The following DPYSL5 variants were observed in gnomAD, a reference collection of about 807,000 sequenced individuals.
DPYSL5 encodes the protein dihydropyrimidinase like 5.
DPYSL5 carries 9 observed loss-of-function variants against 58.4 expected under a neutral mutation model. That is an observed-to-expected ratio of 0.15 (90% CI 0.09 to 0.27). The LOEUF (loss-of-function observed/expected upper bound fraction) is 0.27, where lower values mean the gene tolerates loss of function less well. DPYSL5 is among the 10% of genes least tolerant of loss of function. The probability of loss-of-function intolerance (pLI) is 1.00; values close to 1 mark genes in which losing one functional copy is unlikely to be tolerated. For missense variants in DPYSL5, 499 were observed against 770.6 expected, an observed-to-expected ratio of 0.65 and a Z score of 4.17; for synonymous variants, 293 against 301.9, an observed-to-expected ratio of 0.97 and a Z score of 0.31.
rs1558351319 is a variant in DPYSL5 at position 26,932,121 on chromosome 2, AAGAGAAAGAAAGAAAGAG to A, written c.714+439_714+456del. 3.1e-3 allele frequency among the ~76,000 whole-genome samples: 449 copies of A among 145,998 alleles called. 59 individuals are homozygous for A. Among genetic ancestry groups the A allele is most frequent in the African/African-American group, 0.01 (394 of 38,026 alleles). On this transcript the variant is annotated intron_variant, in intron 6 of 12. Transcript: ENST00000288699. ...AGAGAAAGAAAGAAAAGAAAAAAGA[AAGAGAAAGAAAGAAAGAG>A]AAAGAAAGAAAGAAAGAAAGAAAGA...
chr2:26,872,780 G>T (rs1300442227), intron 1 of DPYSL5, among the ~76,000 whole-genome samples: 1 of 140,520 alleles, frequency 7.1e-6, no homozygotes, highest in Non-Finnish European at 1.6e-5. Context: ...CTGCACTCCA[G>T]CCTGGGCAAC....
chr2:26,924,963 A>G lies in DPYSL5; in HGVS notation c.338A>G (p.Tyr113Cys). ...PDKETSLVDA[Y>C]EKCRGLADPK... ...AAGGAGACCTCCCTTGTGGACGCTT[A>G]TGAGAAGTGCCGAGGTCTGGCCGAC... Residue 113 changes from tyrosine to cysteine, a missense_variant, in exon 3 of 13, where the codon TAT becomes TGT. Tyr to Cys is a radical substitution (Grantham distance 194). Around this residue, in one of 3 missense-constraint regions of DPYSL5, gnomAD observed 404 missense variants for 647.6 expected, o/e 0.62. Coordinates refer to ENST00000288699, the MANE Select transcript of DPYSL5 (RefSeq NM_020134.4). This position sits in a 1 kb window ranked among gnomAD's most constrained non-coding sequence, Gnocchi z 4.7. 1 of 1,614,144 alleles carries G rather than the reference A, an allele frequency of 6.2e-7. No individual in the cohort carries two copies. Among genetic ancestry groups the G allele is most frequent in the Non-Finnish European group, 8.5e-7 (1 of 1,180,016 alleles).
chr2:26,926,223 A>G (rs1285436817), intron 3 of DPYSL5, among the ~76,000 whole-genome samples: 1 of 152,188 alleles, frequency 6.6e-6, no homozygotes, highest in Non-Finnish European at 1.5e-5. Flanking sequence ...CCTGGCACTT[A>G]TAGAAGACCT....
intron 8 of DPYSL5, among the ~76,000 whole-genome samples, chr2:26,938,064 C>T (rs768143119): frequency 3.3e-5 from 5 of 152,140 alleles, no homozygotes; most frequent in Non-Finnish European, 2.9e-5. Context: ...TAAAATGTTA[C>T]AGTGCTTAGC....
rs147494080 is a variant in DPYSL5 at position 26,944,515 on chromosome 2, C to G, written c.1441-141C>G. The stretch of plus-strand genomic sequence containing the variant: ...GCCCCTGGACTCAATGTTTAAGAAG[C>G]CTTGGTCACTTGCAGTGATTTGGGT... On this transcript the variant is annotated intron_variant, in intron 11 of 12. Coordinates refer to ENST00000288699, the MANE Select transcript of DPYSL5 (RefSeq NM_020134.4). This position sits in a 1 kb window ranked among gnomAD's most constrained non-coding sequence, Gnocchi z 4.4. 3.0e-5 allele frequency: 27 copies of G among 908,082 alleles called. No homozygotes were observed. Among genetic ancestry groups the G allele is most frequent in the South Asian group, 8.6e-5 (5 of 58,152 alleles). The allele number at this position is 908,082 out of a possible 1,614,324, so 56.3% of individuals were successfully genotyped here.
At chr2:26,913,168 A>G (rs1664483655) in intron 2 of DPYSL5, among the ~76,000 whole-genome samples, 1 of 152,362 alleles carries the variant, frequency 6.6e-6, no homozygotes, top group Non-Finnish European at 1.5e-5. Flanking sequence ...TTGTGCAACC[A>G]TCACCACTGC....
At position 26,942,142 on chromosome 2, in the gene DPYSL5, G is replaced by T. The variant is rs1665339223; in HGVS notation, c.1232+50G>T. 6.2e-7 allele frequency: 1 copy of T among 1,607,392 alleles called. No individual in the cohort carries two copies. The highest frequency in any genetic ancestry group is 1.3e-5 in the African/African-American group (1 of 74,448). ...GGCTAGAGGGGCTTGGGATTTTGAAGAAGACTTGCATTACAGATCTCCAAA... is the reference window on the plus strand; with the variant it reads ...GGCTAGAGGGGCTTGGGATTTTGAATAAGACTTGCATTACAGATCTCCAAA... On this transcript the variant is annotated intron_variant, in intron 10 of 12. Transcript: ENST00000288699. The surrounding 1 kb of genome is among the most constrained non-coding windows in gnomAD (Gnocchi z 5.9).
In DPYSL5 at chr2:26,924,826, C is replaced by T. The variant is rs1664788855; in HGVS notation, c.262-61C>T. The T allele has an allele frequency of 1.3e-6, 2 of 1,572,054 alleles. No homozygotes were observed. Among genetic ancestry groups the T allele is most frequent in the Non-Finnish European group, 8.6e-7 (1 of 1,158,192 alleles). ...ATGGACCATGAGGACCATGTCTCAC[C>T]ACATCATTGACTCGGGGGCAGGCAG... On this transcript the variant is annotated intron_variant, in intron 2 of 12. Transcript: ENST00000288699. The surrounding 1 kb of genome is among the most constrained non-coding windows in gnomAD (Gnocchi z 4.7).
At chr2:26,860,400 C>T (rs1319571117) in intron 1 of DPYSL5, among the ~76,000 whole-genome samples, 1 of 152,196 alleles carries the variant, frequency 6.6e-6, no homozygotes, top group African/African-American at 2.4e-5. Context: ...CTTTGATGTC[C>T]TGTGACAGAC....
At chr2:26,914,373 A>G (rs541352452) in intron 2 of DPYSL5, among the ~76,000 whole-genome samples, 1 of 152,292 alleles carries the variant, frequency 6.6e-6, no homozygotes, top group South Asian at 2.1e-4. Flanking sequence ...GCTGCTTTGA[A>G]GCCCTCCAGG....
chr2:26,897,778 A>G (rs1212076388), intron 1 of DPYSL5, among the ~76,000 whole-genome samples: 1 of 152,188 alleles, frequency 6.6e-6, no homozygotes, highest in Non-Finnish European at 1.5e-5. Flanking sequence ...AAAACTGTTG[A>G]TGCTGTGGAC....
At position 26,898,928 on chromosome 2, in the gene DPYSL5, C is replaced by T. The variant is rs1053065332; in HGVS notation, c.261+168C>T. Among the ~76,000 whole-genome samples the T allele has an allele frequency of 1.3e-5, 2 of 152,168 alleles. No homozygotes were observed. The highest frequency in any genetic ancestry group is 2.4e-5 in the African/African-American group (1 of 41,412). On this transcript the variant is annotated intron_variant, in intron 2 of 12. Transcript: ENST00000288699. This position sits in a 1 kb window ranked among gnomAD's most constrained non-coding sequence, Gnocchi z 6.1. ...ACTACAATAGGGATTTCCGGCTTAA[C>T]GTCACAGATTTCCATGATTATAGAA...
rs372829541 is a variant in DPYSL5 at position 26,933,298 on chromosome 2, C to T, written c.755C>T (p.Ser252Leu). 74 of 1,614,018 alleles carry T rather than the reference C, an allele frequency of 4.6e-5. No individual in the cohort carries two copies. The highest frequency in any genetic ancestry group is 5.5e-5 in the Non-Finnish European group (65 of 1,180,024). Residue 252 changes from serine to leucine, a missense_variant, in exon 7 of 13, where the codon TCG becomes TTG. By Grantham distance (145) the Ser-to-Leu change is moderately radical. Coordinates refer to ENST00000288699, the MANE Select transcript of DPYSL5 (RefSeq NM_020134.4). This position sits in a 1 kb window ranked among gnomAD's most constrained non-coding sequence, Gnocchi z 4.2. ...PIYLVNVSSI[S>L]AGDVIAAAKM... ...TACCTGGTCAACGTGTCCAGTATCTCGGCTGGTGACGTTATCGCAGCTGCT... is the reference window on the plus strand; with the variant it reads ...TACCTGGTCAACGTGTCCAGTATCTTGGCTGGTGACGTTATCGCAGCTGCT...
chr2:26,849,574 C>T lies in DPYSL5; in HGVS notation c.-5+1320C>T, dbSNP rs1665694254. ...TAGGGTTTTGTGATCTTCCGCGGCG[C>T]CCACGGCACGCCCTTTTCTCGAGGA... On this transcript the variant is annotated intron_variant, in intron 1 of 12. Coordinates refer to ENST00000288699, the MANE Select transcript of DPYSL5 (RefSeq NM_020134.4). The surrounding 1 kb of genome is among the most constrained non-coding windows in gnomAD (Gnocchi z 6.2). Among the ~76,000 whole-genome samples, 1 of 152,164 alleles carries T rather than the reference C, an allele frequency of 6.6e-6. No homozygotes were observed. Among genetic ancestry groups the T allele is most frequent in the African/African-American group, 2.4e-5 (1 of 41,454 alleles).
intron 1 of DPYSL5, chr2:26,848,579 C>G (rs1157160765): frequency 6.6e-6 from 1 of 152,496 alleles, no homozygotes; most frequent in Non-Finnish European, 1.5e-5. Flanking sequence ...GCGCCTAGCA[C>G]GCAGTGGGCC....
At chr2:26,928,948 C>T (rs1250384587) in intron 5 of DPYSL5, among the ~76,000 whole-genome samples, 1 of 151,736 alleles carries the variant, frequency 6.6e-6, no homozygotes, top group East Asian at 2.0e-4. Context: ...ATAAACTCTG[C>T]CTTTGGGGGA....
At chr2:26,926,014 T>G (rs1289400080) in intron 3 of DPYSL5, among the ~76,000 whole-genome samples, 1 of 152,170 alleles carries the variant, frequency 6.6e-6, no homozygotes, top group Non-Finnish European at 1.5e-5. Flanking sequence ...CAGGTGGACA[T>G]CCTCAAGCTT....
chr2:26,928,186 T>C, intron 4 of DPYSL5, 69 bp from the exon 5 acceptor site: 1 of 1,495,494 alleles, frequency 6.7e-7, no homozygotes, highest in Non-Finnish European at 9.3e-7. Context: ...CACTGTCCCT[T>C]GGGTTCAGTA....
chr2:26,929,250 G>A (rs1203478333), intron 5 of DPYSL5, among the ~76,000 whole-genome samples: 4 of 151,950 alleles, frequency 2.6e-5, no homozygotes, highest in Non-Finnish European at 4.4e-5. Context: ...TATTTATTTT[G>A]AGATGGAGTC....
Sources: gnomAD v4.1 joint callset for allele counts (sites outside exome capture counted in the v4.1 genomes callset) on GRCh38, gnomAD v4.1.1 for gene constraint, gnomAD v4.1.1 regional missense constraint, Gnocchi (gnomAD v3.1) non-coding constraint, MANE v1.5 for transcripts, NCBI Gene and HGNC (gene_info 2026-07-23, HGNC 2026-07-21) for gene names.